DCC: variants seen among roughly 807,000 people sequenced by gnomAD.
DCC encodes the protein DCC netrin 1 receptor.
DCC carries 58 observed loss-of-function variants against 172.5 expected under a neutral mutation model. The ratio of observed to expected loss-of-function variants is 0.34; its 90% CI spans 0.27 to 0.42. The LOEUF (loss-of-function observed/expected upper bound fraction) is 0.42, where lower values mean the gene tolerates loss of function less well. DCC is among the 10% of genes least tolerant of loss of function. The pLI, the probability that DCC is intolerant of heterozygous loss-of-function variation, is 1.00. For missense variants in DCC, 1,740 were observed against 1,791.0 expected, an observed-to-expected ratio of 0.97 and a Z score of 0.51; for synonymous variants, 709 against 644.5, an observed-to-expected ratio of 1.10 and a Z score of -1.52.
chr18:53,468,342 T>TTTTATTTATTTATTTATTTATTTATTTTA (rs60585459), intron 25 of DCC, among the ~76,000 whole-genome samples: 4 of 131,024 alleles, frequency 3.1e-5, no homozygotes, highest in South Asian at 2.3e-4. Flanking sequence ...CATAGTTTAT[T>TTTTATTTATTTATTTATTTATTTATTTTA]TTTATTTATT....
At chr18:52,403,882 TGA>T (rs1432258386) in intron 1 of DCC, among the ~76,000 whole-genome samples, 1 of 152,086 alleles carries the variant, frequency 6.6e-6, no homozygotes, top group Non-Finnish European at 1.5e-5. Context: ...TATTGTTCAC[TGA>T]GAGATGAACA....
intron 15 of DCC, among the ~76,000 whole-genome samples, chr18:53,373,327 C>T (rs1371450116): frequency 6.6e-5 from 10 of 152,084 alleles, no homozygotes; most frequent in Non-Finnish European, 1.5e-4. Context: ...CATTTGGTAG[C>T]TTCTTGACTC....
chr18:53,377,769 G>A (rs1251185441), intron 15 of DCC, among the ~76,000 whole-genome samples: 1 of 152,168 alleles, frequency 6.6e-6, no homozygotes, highest in Non-Finnish European at 1.5e-5. Flanking sequence ...AGAATGAGGA[G>A]GAGTTGCTGT....
At position 52,468,163 on chromosome 18, in the gene DCC, C is replaced by T. The variant is rs147824029; in HGVS notation, c.91+127285C>T. Among the ~76,000 whole-genome samples, 49 of 152,206 alleles carry T rather than the reference C, an allele frequency of 3.2e-4. No individual in the cohort carries two copies. In the East Asian group the frequency reaches 8.3e-3, roughly 26 times the overall value. On this transcript the variant is annotated intron_variant, in intron 1 of 28. Coordinates refer to ENST00000442544, the MANE Select transcript of DCC (RefSeq NM_005215.4). ...GAAGAAAAGCTCTCTTATAGCAGCT[C>T]GTAGTCTAGTGGTACAGATGGACAT...
chr18:52,494,473 A>T (rs946422430), intron 1 of DCC, among the ~76,000 whole-genome samples: 5 of 152,006 alleles, frequency 3.3e-5, no homozygotes, highest in African/African-American at 4.8e-5. Context: ...TGTATATTAG[A>T]TATTTATACT....
chr18:53,502,217 GCTCCTCTTTAAATGCCA>G (rs1048125962), intron 27 of DCC, among the ~76,000 whole-genome samples: 2 of 151,776 alleles, frequency 1.3e-5, no homozygotes, highest in Admixed American at 6.6e-5. Flanking sequence ...GTTTTTTATA[GCTCCTCTTTAAATGCCA>G]CTCCTCTCCC....
chr18:52,692,621 AG>A (rs150022213), intron 1 of DCC, among the ~76,000 whole-genome samples: 8,289 of 151,924 alleles, frequency 0.055, 356 homozygotes, highest in African/African-American at 0.12. Flanking sequence ...TAGTAGAGAG[AG>A]GGTTTCACTA....
intron 1 of DCC, among the ~76,000 whole-genome samples, chr18:52,361,433 C>G (rs1315386713): frequency 6.6e-6 from 1 of 152,106 alleles, no homozygotes; most frequent in Non-Finnish European, 1.5e-5. Flanking sequence ...AAAAGAAAAC[C>G]TCAAATATTT....
At chr18:52,789,281 G>A (rs551188350) in intron 2 of DCC, among the ~76,000 whole-genome samples, 20 of 152,078 alleles carry the variant, frequency 1.3e-4, no homozygotes, top group Non-Finnish European at 2.4e-4. Context: ...AGAGTTTGTG[G>A]TGTCACCTCT....
chr18:52,907,904 C>T (rs940433507), intron 3 of DCC, among the ~76,000 whole-genome samples: 1 of 152,138 alleles, frequency 6.6e-6, no homozygotes, highest in Non-Finnish European at 1.5e-5. Context: ...AAAGTCATTT[C>T]TCTCCAACTC....
chr18:53,184,012 A>G (rs1200483907), intron 9 of DCC, among the ~76,000 whole-genome samples: 1 of 151,948 alleles, frequency 6.6e-6, no homozygotes, highest in Non-Finnish European at 1.5e-5. Flanking sequence ...TAAAAAAAAA[A>G]AAAAAAAAAA....
chr18:53,189,037 C>G (rs2055328333), intron 9 of DCC, among the ~76,000 whole-genome samples: 1 of 152,130 alleles, frequency 6.6e-6, no homozygotes, highest in Non-Finnish European at 1.5e-5. Context: ...TTTTGGAGTA[C>G]TATTCAACCC....
At chr18:53,164,686 C>T (rs2054890210) in intron 8 of DCC, among the ~76,000 whole-genome samples, 1 of 152,178 alleles carries the variant, frequency 6.6e-6, no homozygotes, top group Admixed American at 6.6e-5. Flanking sequence ...ACCTAAAACA[C>T]TTGCTCTTTG....
chr18:53,117,503 C>T (rs1035704686), intron 7 of DCC, among the ~76,000 whole-genome samples: 6 of 151,702 alleles, frequency 4.0e-5, no homozygotes, highest in African/African-American at 1.5e-4. Flanking sequence ...GTTTGGGGCT[C>T]TTTAGTTGTT....
chr18:52,933,972 C>T (rs1380748122), intron 5 of DCC, among the ~76,000 whole-genome samples: 1 of 152,008 alleles, frequency 6.6e-6, no homozygotes, highest in African/African-American at 2.4e-5. Context: ...TTTGGGTGTT[C>T]TGGGAAATAA....
At chr18:53,097,202 A>G (rs1416722695) in intron 7 of DCC, among the ~76,000 whole-genome samples, 5 of 152,174 alleles carry the variant, frequency 3.3e-5, no homozygotes, top group African/African-American at 9.7e-5. Context: ...TCACATTCAT[A>G]TATCTTCTGT....
At chr18:52,354,312 T>C (rs1984263517) in intron 1 of DCC, among the ~76,000 whole-genome samples, 1 of 152,164 alleles carries the variant, frequency 6.6e-6, no homozygotes, top group Non-Finnish European at 1.5e-5. Context: ...GGAAATGGCA[T>C]TTTAGATAAC....
intron 1 of DCC, among the ~76,000 whole-genome samples, chr18:52,489,374 G>A (rs1158028884): frequency 6.6e-6 from 1 of 152,060 alleles, no homozygotes; most frequent in African/African-American, 2.4e-5. Flanking sequence ...CACTACAGAG[G>A]TTTTGCTGCA....
At chr18:53,283,991 T>C (rs980107807) in intron 12 of DCC, among the ~76,000 whole-genome samples, 1 of 152,228 alleles carries the variant, frequency 6.6e-6, no homozygotes, top group African/African-American at 2.4e-5. Flanking sequence ...ACGTTCCATG[T>C]ATTATCATTT....
Sources: allele counts gnomAD v4.1 joint callset (sites outside exome capture counted in the v4.1 genomes callset), GRCh38; gene constraint gnomAD v4.1.1; transcripts MANE v1.5; gene names NCBI Gene and HGNC (gene_info 2026-07-23, HGNC 2026-07-21).